Variants in SPAG16 observed in about 807,000 individuals in gnomAD.
The protein encoded by SPAG16 is sperm-associated antigen 16 protein.
A neutral mutation model predicts 80.4 loss-of-function variants in SPAG16; 86 were observed. That is an observed-to-expected ratio of 1.07 (90% CI 0.90 to 1.28). SPAG16 has a LOEUF of 1.28. Among genes scored for constraint, SPAG16 ranks in the 50% most tolerant of loss-of-function variants. The pLI, the probability that SPAG16 is intolerant of heterozygous loss-of-function variation, is 0.00. For synonymous variants in SPAG16, 294 were observed against 265.9 expected, an observed-to-expected ratio of 1.11 and a Z score of -1.03; for missense variants, 870 against 765.3, an observed-to-expected ratio of 1.14 and a Z score of -1.61.
intron 10 of SPAG16, among the ~76,000 whole-genome samples, chr2:213,699,245 G>C (rs772667689): frequency 6.6e-6 from 1 of 150,944 alleles, no homozygotes; most frequent in East Asian, 1.9e-4. Flanking sequence ...TTTTCCTTAC[G>C]TTGTTCTCCT....
chr2:214,166,246 T>C (rs1355541535), intron 15 of SPAG16, among the ~76,000 whole-genome samples: 1 of 152,166 alleles, frequency 6.6e-6, no homozygotes, highest in East Asian at 1.9e-4. Context: ...TCATTCTCCA[T>C]TGGCCCCATT....
intron 9 of SPAG16, among the ~76,000 whole-genome samples, chr2:213,471,793 C>A (rs2073094165): frequency 6.6e-6 from 1 of 152,090 alleles, no homozygotes; most frequent in Admixed American, 6.5e-5. Flanking sequence ...AGTAACACAC[C>A]CATATGAGGA....
intron 10 of SPAG16, among the ~76,000 whole-genome samples, chr2:213,642,447 G>A (rs1050839226): frequency 6.6e-6 from 1 of 152,046 alleles, no homozygotes. Flanking sequence ...TGCATTGAAG[G>A]ATACAAAATA....
At chr2:213,640,865 T>A (rs2062561097) in intron 10 of SPAG16, among the ~76,000 whole-genome samples, 1 of 152,218 alleles carries the variant, frequency 6.6e-6, no homozygotes, top group South Asian at 2.1e-4. Context: ...TGGCTTGAGT[T>A]GGTTGGCCTT....
rs142284690 is a variant in SPAG16, at chr2:213,644,946, C to T, written c.1070+154856C>T. Among the ~76,000 whole-genome samples the T allele has an allele frequency of 6.0e-4, 92 of 152,310 alleles. No homozygotes were observed. In the East Asian group the frequency reaches 0.016, roughly 26 times the overall value. ...GCCTGTGTCCTTTTCTTCAGGGTGGCGATGTCCCTCAGGCCCTGGGTGGTT... is the reference window on the plus strand; with the variant it reads ...GCCTGTGTCCTTTTCTTCAGGGTGGTGATGTCCCTCAGGCCCTGGGTGGTT... On this transcript the variant is annotated intron_variant, in intron 10 of 15. Transcript: ENST00000331683.
At chr2:213,356,138 G>T (rs1164273263) in intron 7 of SPAG16, among the ~76,000 whole-genome samples, 2 of 151,920 alleles carry the variant, frequency 1.3e-5, no homozygotes, top group African/African-American at 4.8e-5. Context: ...ATGTGCTGCT[G>T]GATTCGGTTT....
chr2:213,675,502 G>A (rs1227224201), intron 10 of SPAG16, among the ~76,000 whole-genome samples: 1 of 152,088 alleles, frequency 6.6e-6, no homozygotes, highest in Non-Finnish European at 1.5e-5. Flanking sequence ...TTTCTTCTAG[G>A]GATTTTATGG....
At chr2:213,297,164 G>A (rs1371539640) in intron 2 of SPAG16, 98 bp from the exon 3 acceptor site, 2 of 1,489,524 alleles carry the variant, frequency 1.3e-6, no homozygotes, top group African/African-American at 1.4e-5. Context: ...GTATTTCTTT[G>A]ATCCTTTGAT....
At chr2:214,023,741 C>G (rs1480922665) in intron 13 of SPAG16, among the ~76,000 whole-genome samples, 1 of 151,632 alleles carries the variant, frequency 6.6e-6, no homozygotes, top group East Asian at 1.9e-4. Flanking sequence ...CATATAAAAC[C>G]TTTGCATACA....
chr2:213,287,218 T>C (rs1304684248), intron 1 of SPAG16, among the ~76,000 whole-genome samples: 1 of 152,214 alleles, frequency 6.6e-6, no homozygotes, highest in African/African-American at 2.4e-5. Context: ...GTGATAGATA[T>C]GTAAAGGGTC....
intron 15 of SPAG16, among the ~76,000 whole-genome samples, chr2:214,174,367 G>A (rs1246864243): frequency 6.6e-6 from 1 of 151,918 alleles, no homozygotes; most frequent in African/African-American, 2.4e-5. Flanking sequence ...AAGCTGATAA[G>A]CAACTTCAAC....
At chr2:213,307,118 A>G (rs2062971434) in intron 3 of SPAG16, among the ~76,000 whole-genome samples, 1 of 152,126 alleles carries the variant, frequency 6.6e-6, no homozygotes, top group African/African-American at 2.4e-5. Flanking sequence ...TAGCCCCAAA[A>G]TTTGCCTCAA....
At chr2:213,855,921 A>G (rs1394147984) in intron 10 of SPAG16, among the ~76,000 whole-genome samples, 1 of 147,190 alleles carries the variant, frequency 6.8e-6, no homozygotes, top group Non-Finnish European at 1.5e-5. Context: ...TCCCTCCCAA[A>G]TCTCATAACC....
intron 13 of SPAG16, among the ~76,000 whole-genome samples, chr2:214,023,197 T>A (rs1339894809): frequency 6.6e-6 from 1 of 151,916 alleles, no homozygotes; most frequent in Admixed American, 6.6e-5. Context: ...CCAAGTAACT[T>A]CTCTCACTTC....
chr2:213,977,712 A>G (rs545532441), intron 12 of SPAG16, among the ~76,000 whole-genome samples: 2 of 152,170 alleles, frequency 1.3e-5, no homozygotes, highest in South Asian at 4.1e-4. Flanking sequence ...CACACTGAGT[A>G]ATTTTTATAG....
At chr2:213,582,610 A>G (rs533188192) in intron 10 of SPAG16, among the ~76,000 whole-genome samples, 2 of 152,308 alleles carry the variant, frequency 1.3e-5, no homozygotes, top group East Asian at 3.9e-4. Flanking sequence ...TGCTAGAGAA[A>G]TATTTTTAGA....
At chr2:213,956,260 T>C (rs868576292) in intron 12 of SPAG16, among the ~76,000 whole-genome samples, 16 of 151,974 alleles carry the variant, frequency 1.1e-4, no homozygotes, top group South Asian at 8.3e-4. Context: ...CAGGCCTTTA[T>C]TGATTTTTTA....
chr2:213,833,487 T>A (rs1359150373), intron 10 of SPAG16, among the ~76,000 whole-genome samples: 2 of 2,126 alleles, frequency 9.4e-4, no homozygotes, highest in Non-Finnish European at 5.3e-3. Flanking sequence ...ATATATATAT[T>A]ATATATAATA....
intron 9 of SPAG16, among the ~76,000 whole-genome samples, chr2:213,468,435 A>C (rs927737826): frequency 7.1e-5 from 10 of 140,598 alleles, no homozygotes; most frequent in African/African-American, 2.8e-4. Flanking sequence ...ATATATATCT[A>C]TGTATTTATA....
Sources: allele counts gnomAD v4.1 joint callset (sites outside exome capture counted in the v4.1 genomes callset), GRCh38; gene constraint gnomAD v4.1.1; transcripts MANE v1.5; gene names NCBI Gene and HGNC (gene_info 2026-07-23, HGNC 2026-07-21).